SMYD3: variants seen among roughly 807,000 people sequenced by gnomAD.
The protein encoded by SMYD3 is SET and MYND domain containing 3, also known as histone-lysine N-methyltransferase SMYD3.
Under a neutral mutation model 57.7 loss-of-function variants are expected in SMYD3, and 36 were observed. The ratio of observed to expected loss-of-function variants is 0.62; its 90% confidence interval spans 0.48 to 0.82. The LOEUF is 0.82. SMYD3 is among the 40% of genes least tolerant of loss of function. The pLI is 0.00. For synonymous variants in SMYD3, 211 were observed against 195.0 expected (o/e 1.08, Z -0.68); for missense variants, 515 against 538.8 (o/e 0.96, Z 0.44).
chr1:246,489,844 A>AT (rs971747720), intron 1 of SMYD3, among the ~76,000 whole-genome samples: 23 of 151,758 alleles, frequency 1.5e-4, no homozygotes, highest in African/African-American at 5.3e-4. Context: ...TGAAGTCTTT[A>AT]TTTTTTTTGA....
chr1:246,160,531 G>C (rs2062099673), intron 5 of SMYD3, among the ~76,000 whole-genome samples: 1 of 152,182 alleles, frequency 6.6e-6, no homozygotes, highest in Non-Finnish European at 1.5e-5. Context: ...GCAAAGGTGG[G>C]CCCAGAGCCG....
chr1:245,833,773 G>A (rs1221468220), intron 10 of SMYD3, among the ~76,000 whole-genome samples: 1 of 151,978 alleles, frequency 6.6e-6, no homozygotes, highest in Non-Finnish European at 1.5e-5. Context: ...TGCAGGCAGG[G>A]ACAACCTCAG....
chr1:246,463,013 T>C (rs527583954), intron 1 of SMYD3, among the ~76,000 whole-genome samples: 1 of 151,730 alleles, frequency 6.6e-6, no homozygotes, highest in South Asian at 2.1e-4. Context: ...AACTTGGTGA[T>C]ATAGGAAGGA....
Position 246,480,591 on chromosome 1 carries a change from A to G in SMYD3, c.164+26463T>C, listed in dbSNP as rs527714944. 1.7e-4 allele frequency among the ~76,000 whole-genome samples: 26 copies of G among 152,272 alleles called. No homozygotes were observed. The South Asian group carries it at 5.2e-3, about 30-fold the overall frequency. ...GAGAAAGGGGAAAAGATATAACTAC[A>G]TTATCTGACACAACGGTGGCTCTTA... On this transcript the variant is annotated intron_variant, in intron 1 of 11. Transcript: ENST00000490107.
chr1:245,812,152 C>T (rs1451196187), intron 10 of SMYD3, among the ~76,000 whole-genome samples: 1 of 152,210 alleles, frequency 6.6e-6, no homozygotes, highest in African/African-American at 2.4e-5. Flanking sequence ...GTGTGGGCAA[C>T]TCACTTTACC....
chr1:245,875,276 C>G (rs1265196952), intron 8 of SMYD3, among the ~76,000 whole-genome samples: 2 of 152,226 alleles, frequency 1.3e-5, no homozygotes, highest in African/African-American at 2.4e-5. Context: ...AGACAAAGGT[C>G]TGACGGAGCT....
intron 7 of SMYD3, among the ~76,000 whole-genome samples, chr1:245,920,181 C>T (rs539571212): frequency 2.2e-4 from 34 of 152,068 alleles, no homozygotes; most frequent in South Asian, 8.3e-4. Context: ...GGCGTGGTGG[C>T]GGGCGCCTGT....
In SMYD3 at chr1:246,393,674, T is replaced by TAAA. The variant is rs796510890; in HGVS notation, c.165-38583_165-38581dup. Among the ~76,000 whole-genome samples the TAAA allele has an allele frequency of 1.7e-3, 156 of 92,380 alleles. 3 individuals are homozygous for TAAA. Among genetic ancestry groups the TAAA allele is most frequent in the African/African-American group, 5.4e-3 (125 of 23,018 alleles). The allele number at this position is 92,380 out of a possible 152,430, so 60.6% of individuals were successfully genotyped here. ...AGCAACATAGCGTGACCCCCATCTC[T>TAAA]AAAAAAAAAAAAAAAAAAAAAAAAA... On this transcript the variant is annotated intron_variant, in intron 1 of 11. Transcript: ENST00000490107.
At chr1:246,208,046 CAA>C (rs1040204725) in intron 5 of SMYD3, among the ~76,000 whole-genome samples, 1 of 152,052 alleles carries the variant, frequency 6.6e-6, no homozygotes, top group African/African-American at 2.4e-5. Flanking sequence ...CTCATTCTAG[CAA>C]AGTCATATCT....
chr1:246,415,999 CT>C (rs1486223541), intron 1 of SMYD3, among the ~76,000 whole-genome samples: 1 of 152,106 alleles, frequency 6.6e-6, no homozygotes, highest in East Asian at 1.9e-4. Flanking sequence ...AACTTATATT[CT>C]TTGTATTAGG....
intron 1 of SMYD3, among the ~76,000 whole-genome samples, chr1:246,360,614 A>T (rs2065973088): frequency 6.6e-6 from 1 of 152,052 alleles, no homozygotes; most frequent in South Asian, 2.1e-4. Flanking sequence ...AGGCACAATG[A>T]AACAGAATAG....
intron 5 of SMYD3, among the ~76,000 whole-genome samples, chr1:246,038,543 C>T (rs1454886257): frequency 6.6e-6 from 1 of 152,176 alleles, no homozygotes; most frequent in African/African-American, 2.4e-5. Flanking sequence ...CCACTGTATT[C>T]TAGACGTTAA....
intron 10 of SMYD3, among the ~76,000 whole-genome samples, chr1:245,787,768 C>G (rs946934091): frequency 2.0e-4 from 30 of 152,180 alleles, no homozygotes; most frequent in African/African-American, 6.5e-4. Context: ...AACAACACAA[C>G]TACGTGCTGC....
intron 8 of SMYD3, among the ~76,000 whole-genome samples, chr1:245,911,117 T>A (rs889007752): frequency 2.0e-5 from 3 of 152,028 alleles, no homozygotes; most frequent in African/African-American, 7.2e-5. Flanking sequence ...TATAAAAAAA[T>A]GTTCAATAAC....
chr1:246,206,467 C>A (rs1452119844), intron 5 of SMYD3, among the ~76,000 whole-genome samples: 1 of 151,788 alleles, frequency 6.6e-6, no homozygotes, highest in African/African-American at 2.4e-5. Context: ...GAGTTAGGGT[C>A]ATATGGAATG....
intron 1 of SMYD3, among the ~76,000 whole-genome samples, chr1:246,421,867 T>C (rs886482296): frequency 2.0e-5 from 3 of 152,204 alleles, no homozygotes; most frequent in Non-Finnish European, 4.4e-5. Context: ...GAGCAGAAGA[T>C]GGATGTGCCA....
chr1:246,243,958 C>G, intron 5 of SMYD3, among the ~76,000 whole-genome samples: 1 of 108,776 alleles, frequency 9.2e-6, no homozygotes, highest in Admixed American at 1.1e-4. Flanking sequence ...GTCTATAGTC[C>G]CAGCTACTTG....
intron 8 of SMYD3, among the ~76,000 whole-genome samples, chr1:245,864,282 A>T (rs2051708051): frequency 6.6e-6 from 1 of 152,236 alleles, no homozygotes; most frequent in South Asian, 2.1e-4. Context: ...ATAAATGAAC[A>T]TGTATGTTCA....
At chr1:245,766,073 A>G (rs1160394146) in intron 10 of SMYD3, among the ~76,000 whole-genome samples, 1 of 152,098 alleles carries the variant, frequency 6.6e-6, no homozygotes, top group African/African-American at 2.4e-5. Context: ...GGAGGAAAGT[A>G]TTTAAACCGA....
Sources: allele counts gnomAD v4.1 joint callset (sites outside exome capture counted in the v4.1 genomes callset), GRCh38; gene constraint gnomAD v4.1.1; transcripts MANE v1.5; gene names NCBI Gene and HGNC (gene_info 2026-07-23, HGNC 2026-07-21).